The following PEX5 variants were observed in gnomAD, a reference collection of about 807,000 sequenced individuals.
PEX5 encodes the protein peroxisomal biogenesis factor 5.
A neutral mutation model predicts 82.9 loss-of-function variants in PEX5; 52 were observed. That is an observed-to-expected ratio of 0.63 (90% confidence interval 0.50 to 0.79). PEX5 has a LOEUF of 0.79. PEX5 is among the 30% of genes least tolerant of loss of function. PEX5 has a pLI of 0.00. For missense variants in PEX5, 719 were observed against 815.2 expected, an observed-to-expected ratio of 0.88 and a Z score of 1.44; for synonymous variants, 300 against 318.8, an observed-to-expected ratio of 0.94 and a Z score of 0.63.
In PEX5 at chr12:7,191,352, C is replaced by T; in HGVS notation, c.310C>T (p.Gln104Ter). The change falls in exon 4 of 16, where the codon CAG (glutamine) becomes TAG (stop). Residue 104 changes from glutamine (Q) to a stop codon, truncating the protein, a stop_gained. Transcript: ENST00000675855. LOFTEE classifies it high-confidence loss of function. The stretch of plus-strand genomic sequence containing the variant: ...GCAGTCAAACTTCCGCCAGGCTCCC[C>T]AGAGAGGTGAGTCCAGAGTCTAGTG... The part of the protein sequence containing the change: ...IEQSNFRQAP[Q>*]RAPGVADLAL... 6.2e-7 allele frequency: 1 copy of T among 1,614,142 alleles called. No individual in the cohort carries two copies. Among genetic ancestry groups the T allele is most frequent in the Non-Finnish European group, 8.5e-7 (1 of 1,180,032 alleles).
Position 7,209,830 on chromosome 12 carries a change from G to A in PEX5, c.1708G>A (p.Gly570Arg), listed in dbSNP as rs1945315994. The A allele has an allele frequency of 2.5e-6, 4 of 1,614,150 alleles. No homozygotes were observed. Among genetic ancestry groups the A allele is most frequent in the Admixed American group, 1.7e-5 (1 of 60,032 alleles). The change falls in exon 15 of 16, where the codon GGG becomes AGG. Residue 570 changes from glycine (G) to arginine (R), a missense_variant. By Grantham distance (125) the Gly-to-Arg change is moderately radical. Transcript: ENST00000675855. ...YNLGISCINL[G>R]AHREAVEHFL... ...CCTGGGCATCAGCTGCATCAACCTC[G>A]GGGCTCACCGGTGAGAGTATCTATT...
downstream of PEX5, chr12:7,212,759 G>T (rs1313216162): frequency 2.0e-5 from 3 of 152,162 alleles, no homozygotes; most frequent in Non-Finnish European, 2.9e-5. Flanking sequence ...GTGCATGTTT[G>T]ATACTTTTCT....
downstream of PEX5, among the ~76,000 whole-genome samples, chr12:7,213,976 T>C (rs1396929355): frequency 8.5e-6 from 1 of 118,246 alleles, no homozygotes; most frequent in African/African-American, 2.5e-5. Context: ...GAAAAAATGC[T>C]CACCATCACT....
At chr12:7,200,897 AGACCGTAGGGAGAGGGAGAGG>A (rs1267020166) in intron 6 of PEX5, among the ~76,000 whole-genome samples, 5 of 149,088 alleles carry the variant, frequency 3.4e-5, no homozygotes, top group African/African-American at 1.3e-4. Flanking sequence ...AGGGGGAGAG[AGACCGTAGGGAGAGGGAGAGG>A]GAGAGGGAGA....
chr12:7,207,399 G>A (rs1944937245), intron 10 of PEX5, among the ~76,000 whole-genome samples: 1 of 152,192 alleles, frequency 6.6e-6, no homozygotes, highest in African/African-American at 2.4e-5. Context: ...CCTAAAATAA[G>A]CTTATTTCCA....
intron 5 of PEX5, among the ~76,000 whole-genome samples, chr12:7,196,051 C>T (rs1255666828): frequency 4.9e-5 from 6 of 123,258 alleles, no homozygotes; most frequent in African/African-American, 1.5e-4. Context: ...ATTATATATA[C>T]ATTTTACATT....
chr12:7,200,567 G>A (rs1457998894), intron 6 of PEX5, among the ~76,000 whole-genome samples: 3 of 152,152 alleles, frequency 2.0e-5, no homozygotes, highest in South Asian at 2.1e-4. Context: ...GTAGCGAGCC[G>A]AGATCACGCC....
intron 2 of PEX5, 79 bp from the exon 3 acceptor site, chr12:7,190,809 G>GCTCAGATGCCTATGA (rs1273997569): frequency 4.5e-5 from 63 of 1,399,020 alleles, no homozygotes; most frequent in Non-Finnish European, 6.0e-5. Flanking sequence ...AGAAGCCGAG[G>GCTCAGATGCCTATGA]CTCAGATGCC....
chr12:7,189,647 C>T (rs1940497606), upstream of PEX5: 1 of 334,508 alleles, frequency 3.0e-6, no homozygotes, highest in African/African-American at 2.2e-5. Flanking sequence ...CGGTCACGGC[C>T]CCTTTAAGCC....
intron 10 of PEX5, among the ~76,000 whole-genome samples, chr12:7,205,578 C>T (rs771982946): frequency 1.3e-5 from 2 of 152,072 alleles, no homozygotes; most frequent in Non-Finnish European, 2.9e-5. Flanking sequence ...CAGACCAGAC[C>T]GTGTATCAGA....
In PEX5 at chr12:7,203,440, C is replaced by A; in HGVS notation, c.855C>A (p.Val285=). The A allele has an allele frequency of 1.2e-6, 2 of 1,613,340 alleles. No homozygotes were observed. The highest frequency in any genetic ancestry group is 1.7e-6 in the Non-Finnish European group (2 of 1,179,818). The change falls in exon 10 of 16, where the codon GTC becomes GTA. Residue 285 remains valine (V), a synonymous_variant. Coordinates refer to ENST00000675855, the MANE Select transcript of PEX5 (RefSeq NM_001351132.2). ...CTTTCCCTTCCTTACAGTCTGATGT[C>A]GATTTCTGGGACAAGTTGCAGGCAG... ...ERAKSAIESD[V]DFWDKLQAEL...
intron 6 of PEX5, among the ~76,000 whole-genome samples, chr12:7,201,099 G>A (rs1033161011): frequency 4.0e-5 from 6 of 151,558 alleles, no homozygotes; most frequent in Non-Finnish European, 7.4e-5. Flanking sequence ...GTAAGACCTT[G>A]TCTTTAAAAA....
Position 7,191,670 on chromosome 12 carries a change from T to C in PEX5, c.418T>C (p.Trp140Arg). 13 of 1,613,894 alleles carry C rather than the reference T, an allele frequency of 8.1e-6. No homozygotes were observed. The highest frequency in any genetic ancestry group is 1.1e-5 in the Non-Finnish European group (13 of 1,179,738). Residue 140 changes from tryptophan to arginine, a missense_variant, in exon 5 of 16, where the codon TGG becomes CGG. Physicochemically the swap from Trp to Arg is moderately radical, Grantham distance 101. Transcript: ENST00000675855. ...DVTQDYNETD[W>R]SQEFISEVTD... Reference sequence around the variant, plus strand: ...AACTCAGGATTATAATGAGACTGACTGGTCCCAAGAATTCATCTCTGAAGT... The same window carrying C: ...AACTCAGGATTATAATGAGACTGACCGGTCCCAAGAATTCATCTCTGAAGT...
At chr12:7,212,896 G>T (rs747790556), downstream of PEX5, 11 of 152,418 alleles carry the variant, frequency 7.2e-5, no homozygotes, top group African/African-American at 1.4e-4. Flanking sequence ...GACCCAGGCG[G>T]GAAGTGGGCT....
In PEX5 at chr12:7,209,217, T is replaced by C. The variant is rs187577754; in HGVS notation, c.1560+47T>C. 1.5e-4 allele frequency: 242 copies of C among 1,588,888 alleles called. 1 individual carries two copies. The East Asian group carries it at 2.8e-3, about 18-fold the overall frequency. ...AAATGGGACATGACTGTGTACCTTA[T>C]TGAAGAGCCATTTGTTGGGAAGCTG... On this transcript the variant is annotated intron_variant, in intron 14 of 15. Coordinates refer to ENST00000675855, the MANE Select transcript of PEX5 (RefSeq NM_001351132.2).
downstream of PEX5, chr12:7,211,473 T>C (rs1165191615): frequency 6.6e-6 from 1 of 152,250 alleles, no homozygotes; most frequent in Admixed American, 6.5e-5. Flanking sequence ...ATGGAACTGA[T>C]GTGGGTATGA....
Position 7,203,181 on chromosome 12 carries a change from A to ATGCACTGCAC in PEX5, c.847-219_847-210dup, listed in dbSNP as rs752693758. Among the ~76,000 whole-genome samples, 417 of 82,672 alleles carry ATGCACTGCAC rather than the reference A, an allele frequency of 5.0e-3. 67 individuals carry two copies. Among genetic ancestry groups the ATGCACTGCAC allele is most frequent in the African/African-American group, 0.014 (390 of 28,202 alleles). 54.2% of individuals were successfully genotyped at this position (82,672 alleles called of 152,430 possible). ...CTCAAACAAAAAACTAAACTAAACT[A>ATGCACTGCAC]TGCACTGCACTGCACTGCACTGCAC... is the stretch of plus-strand genomic sequence containing the variant. On this transcript the variant is annotated intron_variant, in intron 9 of 15. Coordinates refer to ENST00000675855, the MANE Select transcript of PEX5 (RefSeq NM_001351132.2).
At chr12:7,191,727 A>G in intron 5 of PEX5, 27 bp downstream of exon 5, 1 of 1,604,838 alleles carries the variant, frequency 6.2e-7, no homozygotes, top group Non-Finnish European at 8.5e-7. Flanking sequence ...GAAAATCTAT[A>G]TTGGCTTCTA....
chr12:7,192,537 A>C (rs958260418), intron 5 of PEX5, among the ~76,000 whole-genome samples: 1 of 152,178 alleles, frequency 6.6e-6, no homozygotes, highest in African/African-American at 2.4e-5. Context: ...AATCAGGTAC[A>C]TGGTGGGAAG....
Sources: gnomAD v4.1 joint callset for allele counts (sites outside exome capture counted in the v4.1 genomes callset) on GRCh38, gnomAD v4.1.1 for gene constraint, MANE v1.5 for transcripts, NCBI Gene and HGNC (gene_info 2026-07-23, HGNC 2026-07-21) for gene names.